SASH1: variants seen among roughly 807,000 people sequenced by gnomAD.
SASH1 encodes SAM and SH3 domain-containing protein 1.
In SASH1, 44 loss-of-function variants were observed where a neutral mutation model predicts 125.2. That is an observed-to-expected ratio of 0.35 (90% CI 0.28 to 0.45). The LOEUF (loss-of-function observed/expected upper bound fraction) is 0.45, where lower values mean the gene tolerates loss of function less well. Among genes scored for constraint, SASH1 ranks in the 20% least tolerant of loss-of-function variants. SASH1 has a pLI of 1.00. For synonymous variants in SASH1, 639 were observed against 649.1 expected, an observed-to-expected ratio of 0.98 and a Z score of 0.24; for missense variants, 1,426 against 1,614.5, an observed-to-expected ratio of 0.88 and a Z score of 2.00.
the SASH1 span, among the ~76,000 whole-genome samples, chr6:148,246,699 T>C: frequency 5.3e-5 from 8 of 152,372 alleles, no homozygotes; most frequent in African/African-American, 1.4e-4. Context: ...TTATCTGACA[T>C]GCTTGTAAAC....
intron 1 of SASH1, among the ~76,000 whole-genome samples, chr6:148,352,977 A>G (rs1198829311): frequency 6.6e-6 from 1 of 152,200 alleles, no homozygotes; most frequent in African/African-American, 2.4e-5. Context: ...CTCCAAAGAA[A>G]AAAAAGTGAG....
chr6:148,467,253 C>G (rs7766419), intron 4 of SASH1, among the ~76,000 whole-genome samples: 2 of 151,908 alleles, frequency 1.3e-5, no homozygotes, highest in Non-Finnish European at 1.5e-5. Context: ...TGTGCCACCA[C>G]GCCTAGCTAA....
intron 2 of SASH1, among the ~76,000 whole-genome samples, chr6:148,393,349 C>T (rs919306140): frequency 1.3e-5 from 2 of 151,970 alleles, no homozygotes; most frequent in African/African-American, 2.4e-5. Context: ...CGTAAGCCAC[C>T]GCGCCTGGCC....
intron 1 of SASH1, among the ~76,000 whole-genome samples, chr6:148,277,450 G>A (rs574548647): frequency 6.6e-6 from 1 of 152,312 alleles, no homozygotes; most frequent in African/African-American, 2.4e-5. Flanking sequence ...CTGGACCCAG[G>A]GTCACTGGTC....
At chr6:148,389,592 G>C (rs528081756) in intron 1 of SASH1, among the ~76,000 whole-genome samples, 1 of 152,262 alleles carries the variant, frequency 6.6e-6, no homozygotes, top group Non-Finnish European at 1.5e-5. Flanking sequence ...AGTGAGATTT[G>C]TCCCAGATGC....
chr6:148,418,902 A>G (rs1784932358), intron 2 of SASH1, among the ~76,000 whole-genome samples: 2 of 152,190 alleles, frequency 1.3e-5, no homozygotes, highest in Admixed American at 1.3e-4. Context: ...TAACTTTGAA[A>G]GCCCTCTGCA....
chr6:148,494,314 G>A (rs1160894210), intron 8 of SASH1, among the ~76,000 whole-genome samples: 5 of 152,150 alleles, frequency 3.3e-5, no homozygotes, highest in Admixed American at 6.5e-5. Context: ...CATCTTTACC[G>A]TTCAGTAGAT....
intron 6 of SASH1, 24 bp from the exon 7 acceptor site, chr6:148,474,086 T>TA (rs769018197): frequency 6.7e-6 from 10 of 1,486,466 alleles, no homozygotes; most frequent in Non-Finnish European, 9.4e-6. Flanking sequence ...TTCACTCCTG[T>TA]TGTTCTTTGT....
chr6:148,195,737 A>C, the SASH1 span, among the ~76,000 whole-genome samples: 1 of 152,168 alleles, frequency 6.6e-6, no homozygotes, highest in Non-Finnish European at 1.5e-5. Flanking sequence ...CGCGCCTTTT[A>C]GTCTGTGTCA....
chr6:148,264,646 C>T, the SASH1 span, among the ~76,000 whole-genome samples: 8 of 152,236 alleles, frequency 5.3e-5, no homozygotes, highest in African/African-American at 1.7e-4. Flanking sequence ...TCCAGTTTCT[C>T]AGCTACATCA....
chr6:148,548,583 G>A lies in SASH1; in HGVS notation c.*25G>A, dbSNP rs994901795. 1.9e-6 allele frequency: 3 copies of A among 1,563,704 alleles called. No individual in the cohort carries two copies. In the African/African-American group the frequency reaches 4.1e-5, roughly 21 times the overall value. ...GCCAGGCCCGGAATGGGCCTCTCTGGACAAGAGCCACCCTTTCACTGTGCA... is the reference window on the plus strand; with the variant it reads ...GCCAGGCCCGGAATGGGCCTCTCTGAACAAGAGCCACCCTTTCACTGTGCA... On this transcript the variant is annotated 3_prime_UTR_variant, in exon 20 of 20. Coordinates refer to ENST00000367467, the MANE Select transcript of SASH1 (RefSeq NM_015278.5).
chr6:148,204,710 CA>C, the SASH1 span, among the ~76,000 whole-genome samples: 2 of 150,736 alleles, frequency 1.3e-5, no homozygotes, highest in African/African-American at 4.9e-5. Flanking sequence ...AAAATACAAA[CA>C]AAAAAAACTG....
chr6:148,409,816 C>G lies in SASH1; in HGVS notation c.285+19554C>G, dbSNP rs1044903347. On this transcript the variant is annotated intron_variant, in intron 2 of 19. Transcript: ENST00000367467. ...GAGCGTGGTGGCACGTGTCTGTAAT[C>G]CCAGCTACTCGGAAGGCTGAGTCAG... 3.9e-5 allele frequency among the ~76,000 whole-genome samples: 6 copies of G among 151,994 alleles called. 1 individual carries two copies. Among genetic ancestry groups the G allele is most frequent in the African/African-American group, 1.4e-4 (6 of 41,398 alleles).
rs1582930218 is a variant in SASH1 at position 148,297,445 on chromosome 6, T to A, written n.74+25068T>A. ...TTGAAACTAGGATTGTAAAAAAAAATATGAGCCATCTAGTTTAATTTAGAT... is the reference window on the plus strand; with the variant it reads ...TTGAAACTAGGATTGTAAAAAAAAAAATGAGCCATCTAGTTTAATTTAGAT... On this transcript the variant is annotated intron_variant and non_coding_transcript_variant, in intron 1 of 3. Coordinates refer to the SASH1 transcript ENST00000367469. Among the ~76,000 whole-genome samples the A allele has an allele frequency of 2.6e-5, 4 of 152,246 alleles. No individual in the cohort carries two copies. In the South Asian group the frequency reaches 6.2e-4, roughly 24 times the overall value.
In SASH1 at chr6:148,548,373, A is replaced by G. The variant is rs553279959; in HGVS notation, c.3559A>G (p.Ile1187Val). ...CATTTCGTCTGTGTCAGATTGGCTC[A>G]TTTCCATCGGTCTGCCCATGTACGC... ...GCISSVSDWL[I>V]SIGLPMYAGT... Residue 1187 changes from isoleucine (I) to valine (V), a missense_variant, in exon 20 of 20, where the codon ATT becomes GTT. Physicochemically the swap from Ile to Val is conservative, Grantham distance 29 (BLOSUM62 3). This residue lies in a region of SASH1 where 634 missense variants were observed against 694.4 expected (regional missense o/e 0.91). Transcript: ENST00000367467. 1 of 1,614,154 alleles carries G rather than the reference A, an allele frequency of 6.2e-7. No individual in the cohort carries two copies. The highest frequency in any genetic ancestry group is 1.3e-5 in the African/African-American group (1 of 75,022).
intron 1 of SASH1, among the ~76,000 whole-genome samples, chr6:148,383,175 G>T (rs1783220130): frequency 3.3e-5 from 5 of 152,324 alleles, no homozygotes; most frequent in Admixed American, 3.3e-4. Flanking sequence ...TTTTATGGTT[G>T]TAGCAATTTC....
chr6:148,285,193 A>AG (rs1394822213), intron 1 of SASH1, among the ~76,000 whole-genome samples: 1 of 152,238 alleles, frequency 6.6e-6, no homozygotes, highest in Non-Finnish European at 1.5e-5. Context: ...AGAGAGAACA[A>AG]GAAAAAGGGA....
At chr6:148,377,223 CA>C (rs904115131) in intron 1 of SASH1, among the ~76,000 whole-genome samples, 2 of 130,562 alleles carry the variant, frequency 1.5e-5, no homozygotes, top group African/African-American at 5.5e-5. Flanking sequence ...AACAAACAAA[CA>C]AAAAAAAACA....
At chr6:148,279,864 G>A in intron 1 of SASH1, among the ~76,000 whole-genome samples, 1 of 151,752 alleles carries the variant, frequency 6.6e-6, no homozygotes, top group Middle Eastern at 3.2e-3. Context: ...GTGCATGCCT[G>A]TAGTCCCAGT....
Sources: gnomAD v4.1 joint callset for allele counts (sites outside exome capture counted in the v4.1 genomes callset) on GRCh38, gnomAD v4.1.1 for gene constraint, gnomAD v4.1.1 regional missense constraint, MANE v1.5 for transcripts, NCBI Gene and HGNC (gene_info 2026-07-23, HGNC 2026-07-21) for gene names.